The following TAMM41 variants were observed in gnomAD, a reference collection of about 807,000 sequenced individuals.
TAMM41 encodes TAM41 mitochondrial translocator assembly and maintenance homolog, also known as phosphatidate cytidylyltransferase, mitochondrial.
TAMM41 carries 36 observed loss-of-function variants against 44.1 expected under a neutral mutation model. The ratio of observed to expected loss-of-function variants is 0.82; its 90% CI spans 0.63 to 1.08. The LOEUF (loss-of-function observed/expected upper bound fraction) is 1.08. Ranked by LOEUF, TAMM41 falls within the 50% of genes least tolerant of loss-of-function variation. The pLI is 0.00. For synonymous variants in TAMM41, 164 were observed against 153.1 expected (o/e 1.07, Z -0.53); for missense variants, 417 against 404.3 (o/e 1.03, Z -0.27).
chr3:11,841,709 C>T (rs2079452574), intron 2 of TAMM41, among the ~76,000 whole-genome samples: 1 of 152,194 alleles, frequency 6.6e-6, no homozygotes, highest in Non-Finnish European at 1.5e-5. Context: ...ATGCAGAAGG[C>T]TGTGCTGAGT....
intron 7 of TAMM41, among the ~76,000 whole-genome samples, chr3:11,805,373 G>A (rs904039371): frequency 2.0e-5 from 3 of 152,144 alleles, no homozygotes; most frequent in Non-Finnish European, 4.4e-5. Flanking sequence ...CAGGACTCAA[G>A]TGATCCTCCT....
At chr3:11,742,441 G>A in the TAMM41 span, among the ~76,000 whole-genome samples, 8 of 150,342 alleles carry the variant, frequency 5.3e-5, no homozygotes, top group Admixed American at 2.6e-4. Flanking sequence ...TGTCGCGGAG[G>A]AATCCTCCAT....
the TAMM41 span, among the ~76,000 whole-genome samples, chr3:11,765,925 C>T: frequency 3.9e-5 from 6 of 152,044 alleles, no homozygotes; most frequent in Admixed American, 2.6e-4. Flanking sequence ...TGGTCTCGAA[C>T]CCCTGGCCTC....
At chr3:11,743,024 C>T in the TAMM41 span, among the ~76,000 whole-genome samples, 3 of 152,134 alleles carry the variant, frequency 2.0e-5, no homozygotes, top group Non-Finnish European at 4.4e-5. Flanking sequence ...TGTAGGCCCC[C>T]CCAACCAGAC....
intron 5 of TAMM41, chr3:11,810,883 G>A (rs2078066020): frequency 6.6e-6 from 1 of 151,376 alleles, no homozygotes; most frequent in African/African-American, 2.4e-5. Flanking sequence ...TAGCAAAAGA[G>A]TGAGATATCC....
chr3:11,838,294 A>G (rs2079273496), intron 3 of TAMM41, among the ~76,000 whole-genome samples: 1 of 150,584 alleles, frequency 6.6e-6, no homozygotes, highest in Non-Finnish European at 1.5e-5. Context: ...GGCTCATTGC[A>G]ATTTCCATCT....
At chr3:11,807,436 C>T (rs1164530664) in intron 7 of TAMM41, 2 of 1,528,510 alleles carry the variant, frequency 1.3e-6, no homozygotes, top group Non-Finnish European at 1.7e-6. Flanking sequence ...ATGGCAGTAA[C>T]AACAAAAATA....
rs2079604018 is a variant in TAMM41, at chr3:11,844,827, T to C, written c.136-616A>G. On this transcript the variant is annotated intron_variant, in intron 1 of 7. Coordinates refer to ENST00000455809, the MANE Select transcript of TAMM41 (RefSeq NM_001284401.2). ...GGGTAGAAGTATAGAGCTCAGAGTCTACTGGAGAGAATAAACAAATTATCA... is the reference window on the plus strand; with the variant it reads ...GGGTAGAAGTATAGAGCTCAGAGTCCACTGGAGAGAATAAACAAATTATCA... 9.1e-6 allele frequency: 4 copies of C among 439,410 alleles called. No individual in the cohort carries two copies. In the Admixed American group the frequency reaches 9.7e-5, roughly 11 times the overall value. The allele number at this position is 439,410 out of a possible 1,614,324, so 27.2% of individuals were successfully genotyped here.
downstream of TAMM41, among the ~76,000 whole-genome samples, chr3:11,786,627 T>C (rs569255786): frequency 2.6e-5 from 4 of 151,116 alleles, no homozygotes; most frequent in East Asian, 7.9e-4. Context: ...TACTTAGGGT[T>C]GTTTTCATTT....
chr3:11,778,638 T>C, the TAMM41 span, among the ~76,000 whole-genome samples: 1 of 152,170 alleles, frequency 6.6e-6, no homozygotes, highest in Non-Finnish European at 1.5e-5. Flanking sequence ...TTTAATCTCT[T>C]TTTTGGAAAA....
the TAMM41 span, among the ~76,000 whole-genome samples, chr3:11,748,294 A>T: frequency 1.1e-5 from 1 of 88,084 alleles, no homozygotes; most frequent in African/African-American, 4.8e-5. Flanking sequence ...TTATTTATTT[A>T]TTTTTTGAGA....
intron 7 of TAMM41, among the ~76,000 whole-genome samples, chr3:11,804,489 T>C (rs1162123094): frequency 6.6e-6 from 1 of 152,176 alleles, no homozygotes; most frequent in African/African-American, 2.4e-5. Context: ...AGAAAGGGAA[T>C]TTTTTAAAAA....
At chr3:11,801,212 GAC>G (rs2077744036) in intron 7 of TAMM41, among the ~76,000 whole-genome samples, 1 of 151,962 alleles carries the variant, frequency 6.6e-6, no homozygotes, top group African/African-American at 2.4e-5. Context: ...TATCTTCTCA[GAC>G]AATAGTAGAA....
the TAMM41 span, among the ~76,000 whole-genome samples, chr3:11,757,868 A>T: frequency 6.6e-6 from 1 of 152,126 alleles, no homozygotes; most frequent in South Asian, 2.1e-4. Flanking sequence ...GCTGCTCAGG[A>T]GGCGTTGGTG....
intron 7 of TAMM41, among the ~76,000 whole-genome samples, chr3:11,795,870 G>C (rs1253067544): frequency 6.6e-6 from 1 of 152,214 alleles, no homozygotes; most frequent in Admixed American, 6.5e-5. Flanking sequence ...ATGAAAGGAA[G>C]AGCAGGCAAA....
chr3:11,723,192 G>T, the TAMM41 span, among the ~76,000 whole-genome samples: 2 of 151,184 alleles, frequency 1.3e-5, no homozygotes, highest in East Asian at 1.9e-4. Flanking sequence ...CTGGGTGGGG[G>T]TGGGGGCAGG....
At chr3:11,731,656 T>C in the TAMM41 span, among the ~76,000 whole-genome samples, 12 of 152,132 alleles carry the variant, frequency 7.9e-5, no homozygotes, top group Admixed American at 7.9e-4. Context: ...AAGGATGTGT[T>C]TGTTTTTATT....
the TAMM41 span, among the ~76,000 whole-genome samples, chr3:11,725,360 CTTCTT>C: frequency 7.2e-6 from 1 of 139,160 alleles, no homozygotes; most frequent in Non-Finnish European, 1.5e-5. Flanking sequence ...CCTTTTTTTT[CTTCTT>C]CTCCTCCTCC....
the TAMM41 span, among the ~76,000 whole-genome samples, chr3:11,780,936 T>C: frequency 6.6e-6 from 1 of 152,174 alleles, no homozygotes; most frequent in African/African-American, 2.4e-5. Flanking sequence ...TCACCTTGCA[T>C]TATGAGAGTG....
Sources: allele counts gnomAD v4.1 joint callset (sites outside exome capture counted in the v4.1 genomes callset), GRCh38; gene constraint gnomAD v4.1.1; transcripts MANE v1.5; gene names NCBI Gene and HGNC (gene_info 2026-07-23, HGNC 2026-07-21).